Variants in DSC2 observed in about 807,000 individuals in gnomAD.
The protein encoded by DSC2 is desmocollin 2.
In DSC2, 51 loss-of-function variants were observed where a neutral mutation model predicts 87.6. That is an observed-to-expected ratio of 0.58 (90% CI 0.46 to 0.74). DSC2 has a LOEUF of 0.74. Among genes scored for constraint, DSC2 ranks in the 30% least tolerant of loss-of-function variants. The probability of loss-of-function intolerance (pLI) is 0.00; values close to 1 mark genes in which losing one functional copy is unlikely to be tolerated. For missense variants in DSC2, 1,066 were observed against 1,089.5 expected (o/e 0.98, Z 0.30); for synonymous variants, 383 against 393.2 (o/e 0.97, Z 0.31).
At chr18:31,099,523 A>G (rs1987866746) in intron 1 of DSC2, among the ~76,000 whole-genome samples, 1 of 152,166 alleles carries the variant, frequency 6.6e-6, no homozygotes, top group South Asian at 2.1e-4. Flanking sequence ...AACCAAAAAA[A>G]GACAACAGAA....
chr18:31,075,379 A>G (rs940302408), intron 11 of DSC2, among the ~76,000 whole-genome samples: 2 of 152,230 alleles, frequency 1.3e-5, no homozygotes, highest in Admixed American at 1.3e-4. Context: ...ATAAATAGGT[A>G]GCACTTAGGT....
intron 11 of DSC2, among the ~76,000 whole-genome samples, chr18:31,077,532 TC>T (rs1987063595): frequency 6.6e-6 from 1 of 152,234 alleles, no homozygotes; most frequent in South Asian, 2.1e-4. Flanking sequence ...TAAACTCCAA[TC>T]TTTTTTTGCA....
At chr18:31,092,729 T>C (rs1987641652) in intron 2 of DSC2, among the ~76,000 whole-genome samples, 1 of 152,198 alleles carries the variant, frequency 6.6e-6, no homozygotes, top group African/African-American at 2.4e-5. Flanking sequence ...GATCACATTT[T>C]ATGCTATCAT....
At chr18:31,071,315 G>A (rs1986819757) in intron 13 of DSC2, among the ~76,000 whole-genome samples, 1 of 152,142 alleles carries the variant, frequency 6.6e-6, no homozygotes, top group African/African-American at 2.4e-5. Context: ...GAGAGGCCGA[G>A]GTGGGGGGAT....
rs1986494508 is a variant in DSC2 at position 31,061,208 on chromosome 18, T to A, written c.*6807A>T. The A allele has an allele frequency of 6.6e-6, 1 of 152,236 alleles. No individual in the cohort carries two copies. The highest frequency in any genetic ancestry group is 2.1e-4 in the South Asian group (1 of 4,832). The allele number at this position is 152,236 out of a possible 1,614,324, so 9.4% of individuals were successfully genotyped here. ...TATACAAGCGAATATATCAGCAAGT[T>A]TGCCTTCATATTTGTTAACTGAAAA... On this transcript the variant is annotated 3_prime_UTR_variant, in exon 16 of 16. Coordinates refer to ENST00000280904, the MANE Select transcript of DSC2 (RefSeq NM_024422.6).
intron 1 of DSC2, among the ~76,000 whole-genome samples, chr18:31,099,149 G>C (rs1003721819): frequency 6.6e-6 from 1 of 152,194 alleles, no homozygotes; most frequent in Non-Finnish European, 1.5e-5. Context: ...ATCTGAACTA[G>C]TAATATTAAT....
intron 15 of DSC2, 26 bp from the exon 16 acceptor site, chr18:31,068,238 TTTA>T: frequency 6.2e-6 from 10 of 1,613,100 alleles, no homozygotes; most frequent in South Asian, 1.1e-5. Flanking sequence ...ACACAACGTT[TTTA>T]TTATTATTAT....
Position 31,063,379 on chromosome 18 carries a change from T to C in DSC2, c.*4636A>G, listed in dbSNP as rs886104926. 2 of 149,846 alleles carry C rather than the reference T, an allele frequency of 1.3e-5. No homozygotes were observed. Among genetic ancestry groups the C allele is most frequent in the Admixed American group, 1.3e-4 (2 of 15,050 alleles). The allele number at this position is 149,846 out of a possible 1,614,324, so 9.3% of individuals were successfully genotyped here. On this transcript the variant is annotated 3_prime_UTR_variant, in exon 16 of 16. Transcript: ENST00000280904. ...TGGCCAGAGTTGTATAGGCATGCAA[T>C]TGTGAACACCTTTCTTGGTCCTTAG...
rs1211737109 is a variant in DSC2, at chr18:31,060,737, G to A, written c.*7278C>T. On this transcript the variant is annotated 3_prime_UTR_variant, in exon 16 of 16. Transcript: ENST00000280904. ...CAAAACTTGTTAATTTTTATTAAATGTTTTCTGTGTGGCTTTGTTCTGCAT... is the reference window on the plus strand; with the variant it reads ...CAAAACTTGTTAATTTTTATTAAATATTTTCTGTGTGGCTTTGTTCTGCAT... The A allele has an allele frequency of 6.6e-6, 1 of 152,128 alleles. No individual in the cohort carries two copies. 9.4% of individuals were successfully genotyped at this position (152,128 alleles called of 1,614,324 possible). A position where few individuals can be genotyped will look rare whatever the true frequency, so the allele number is the denominator to read the frequency against.
At chr18:31,094,242 T>A (rs1987696400) in intron 1 of DSC2, among the ~76,000 whole-genome samples, 1 of 152,160 alleles carries the variant, frequency 6.6e-6, no homozygotes, top group Non-Finnish European at 1.5e-5. Flanking sequence ...AGATATGATA[T>A]CAAATCAATA....
rs727504823 is a variant in DSC2 at position 31,068,098 on chromosome 18, G to A, written c.2623C>T (p.Arg875Ter). Residue 875 changes from arginine (R) to a stop codon, truncating the protein, a stop_gained, in exon 16 of 16, where the codon CGA becomes TGA. Coordinates refer to ENST00000280904, the MANE Select transcript of DSC2 (RefSeq NM_024422.6). LOFTEE classifies it high-confidence loss of function. ...VAGSVGCCSE[R>*]QEEDGLEFLD... Reference sequence around the variant, plus strand: ...AATTCAAGCCCATCTTCTTCTTGTCGTTCACTGCAACAACCTACAGACCCA... The same window carrying A: ...AATTCAAGCCCATCTTCTTCTTGTCATTCACTGCAACAACCTACAGACCCA... The A allele has an allele frequency of 1.4e-5, 22 of 1,613,778 alleles. No homozygotes were observed. The highest frequency in any genetic ancestry group is 1.7e-5 in the Admixed American group (1 of 59,954).
chr18:31,060,919 T>C lies in DSC2; in HGVS notation c.*7096A>G, dbSNP rs1217790226. ...GGTACATTTCTAGCATTTTGCTTAATATGTTTTATATGAAAAGGCAAATTT... is the reference window on the plus strand; with the variant it reads ...GGTACATTTCTAGCATTTTGCTTAACATGTTTTATATGAAAAGGCAAATTT... On this transcript the variant is annotated 3_prime_UTR_variant, in exon 16 of 16. Coordinates refer to ENST00000280904, the MANE Select transcript of DSC2 (RefSeq NM_024422.6). The C allele has an allele frequency of 6.6e-6, 1 of 152,240 alleles. No homozygotes were observed. The highest frequency in any genetic ancestry group is 1.5e-5 in the Non-Finnish European group (1 of 68,040). The allele number at this position is 152,240 out of a possible 1,614,324, so 9.4% of individuals were successfully genotyped here.
chr18:31,101,312 C>T, intron 1 of DSC2: 1 of 952,842 alleles, frequency 1.0e-6, no homozygotes, highest in African/African-American at 1.9e-5. Context: ...TCAGAGTAAA[C>T]AATTCCCAGA....
intron 1 of DSC2, among the ~76,000 whole-genome samples, chr18:31,096,754 G>A (rs2144857817): frequency 6.6e-6 from 1 of 152,144 alleles, no homozygotes; most frequent in Non-Finnish European, 1.5e-5. Context: ...AACACTAGAA[G>A]CAATCCAATT....
rs1314081308 is a variant in DSC2 at position 31,089,477 on chromosome 18, T to C, written c.592A>G (p.Thr198Ala). 2 of 1,613,750 alleles carry C rather than the reference T, an allele frequency of 1.2e-6. No homozygotes were observed. Among genetic ancestry groups the C allele is most frequent in the Non-Finnish European group, 1.7e-6 (2 of 1,179,902 alleles). Reference protein sequence around the residue: ...VERDTGNLYCTRPVDREQYES... With the variant: ...VERDTGNLYCARPVDREQYES... The stretch of plus-strand genomic sequence containing the variant: ...TACTGCTCACGATCTACAGGACGAG[T>C]ACAATACAAGTTTCCAGTGTCTCTC... The change falls in exon 5 of 16, where the codon ACT becomes GCT. Residue 198 changes from threonine to alanine, a missense_variant. By Grantham distance (58) the Thr-to-Ala change is moderately conservative. Transcript: ENST00000280904.
intron 1 of DSC2, among the ~76,000 whole-genome samples, chr18:31,096,325 G>C (rs1446302082): frequency 6.6e-6 from 1 of 152,102 alleles, no homozygotes; most frequent in Non-Finnish European, 1.5e-5. Flanking sequence ...GATAAAGCTG[G>C]AACACACAGT....
intron 5 of DSC2, among the ~76,000 whole-genome samples, chr18:31,088,487 A>G (rs1987479732): frequency 6.6e-6 from 1 of 152,186 alleles, no homozygotes; most frequent in Non-Finnish European, 1.5e-5. Flanking sequence ...AGGCCATGGC[A>G]ATTCTAAACC....
At chr18:31,099,880 C>G (rs190091627) in intron 1 of DSC2, among the ~76,000 whole-genome samples, 4 of 152,136 alleles carry the variant, frequency 2.6e-5, no homozygotes, top group South Asian at 2.1e-4. Flanking sequence ...ATTTCTCCCC[C>G]CTTTTTGAGA....
intron 7 of DSC2, 134 bp downstream of exon 7, chr18:31,086,442 T>C (rs1987396242): frequency 6.4e-6 from 7 of 1,087,486 alleles, no homozygotes; most frequent in Non-Finnish European, 9.7e-6. Context: ...TAGTGATCTC[T>C]ATTAACATAC....
Sources: gnomAD v4.1 joint callset for allele counts (sites outside exome capture counted in the v4.1 genomes callset) on GRCh38, gnomAD v4.1.1 for gene constraint, MANE v1.5 for transcripts, NCBI Gene and HGNC (gene_info 2026-07-23, HGNC 2026-07-21) for gene names.